Variants in TSC22D1 observed in about 807,000 individuals in gnomAD.
The protein encoded by TSC22D1 is TSC22 domain family protein 1.
Under a neutral mutation model 74.2 loss-of-function variants are expected in TSC22D1, and 9 were observed. The ratio of observed to expected loss-of-function variants is 0.12; its 90% CI spans 0.07 to 0.21. The LOEUF (loss-of-function observed/expected upper bound fraction) is 0.21, where lower values mean the gene tolerates loss of function less well. Ranked by LOEUF, TSC22D1 falls within the 10% of genes least tolerant of loss-of-function variation. The pLI is 1.00. For missense variants in TSC22D1, 1,427 were observed against 1,304.7 expected, an observed-to-expected ratio of 1.09 and a Z score of -1.44; for synonymous variants, 586 against 492.5, an observed-to-expected ratio of 1.19 and a Z score of -2.51.
intron 1 of TSC22D1, among the ~76,000 whole-genome samples, chr13:44,478,558 A>T (rs1878030001): frequency 6.6e-6 from 1 of 151,916 alleles, no homozygotes; most frequent in Non-Finnish European, 1.5e-5. Flanking sequence ...CTGGGGGGGA[A>T]GGGTAAAATA....
intron 1 of TSC22D1, 33 bp downstream of exon 1, chr13:44,573,130 T>A (rs1455406581): frequency 1.3e-6 from 2 of 1,599,662 alleles, no homozygotes; most frequent in Admixed American, 3.4e-5. Flanking sequence ...TTCAAATCTG[T>A]TGAATGTCTC....
intron 1 of TSC22D1, chr13:44,436,506 AT>A: frequency 6.2e-7 from 1 of 1,613,454 alleles, no homozygotes; most frequent in East Asian, 2.2e-5. Context: ...ACATTTACCT[AT>A]TATCAAGTCT....
intron 1 of TSC22D1, among the ~76,000 whole-genome samples, chr13:44,545,985 A>T (rs1042638468): frequency 1.3e-5 from 2 of 151,830 alleles, no homozygotes; most frequent in Non-Finnish European, 2.9e-5. Context: ...TCAAAAAAAA[A>T]AATAAATAAA....
At chr13:44,449,526 C>A (rs920230195) in intron 1 of TSC22D1, among the ~76,000 whole-genome samples, 17 of 152,112 alleles carry the variant, frequency 1.1e-4, no homozygotes, top group African/African-American at 3.9e-4. Context: ...GCTTTAGCGG[C>A]AATCACTTTA....
chr13:44,454,045 T>C (rs1182404384), intron 1 of TSC22D1, among the ~76,000 whole-genome samples: 1 of 152,234 alleles, frequency 6.6e-6, no homozygotes, highest in African/African-American at 2.4e-5. Flanking sequence ...GCCATTAAAA[T>C]GATGTTGGTG....
At chr13:44,550,516 AG>A (rs901902272) in intron 1 of TSC22D1, among the ~76,000 whole-genome samples, 10 of 151,504 alleles carry the variant, frequency 6.6e-5, no homozygotes, top group African/African-American at 2.4e-4. Context: ...TGGGAGACAG[AG>A]GCTGCAGTGA....
rs71070912 is a variant in TSC22D1, at chr13:44,517,857, A to ATTTTTTTTT, written c.2912+55297_2912+55305dup. Among the ~76,000 whole-genome samples, 37 of 16,174 alleles carry ATTTTTTTTT rather than the reference A, an allele frequency of 2.3e-3. 6 individuals carry two copies. Among genetic ancestry groups the ATTTTTTTTT allele is most frequent in the Non-Finnish European group, 3.1e-3 (22 of 7,182 alleles). The allele number at this position is 16,174 out of a possible 152,430, so 10.6% of individuals were successfully genotyped here. A position where few individuals can be genotyped will look rare whatever the true frequency, so the allele number is the denominator to read the frequency against. Reference sequence around the variant, plus strand: ...TATATATATATATATATATATATATATTTTTTTTTTTTTTTTTTTTTTAAC... The same window carrying ATTTTTTTTT: ...TATATATATATATATATATATATATATTTTTTTTTTTTTTTTTTTTTTTTTTTTTTTAAC... On this transcript the variant is annotated intron_variant, in intron 1 of 2. Coordinates refer to ENST00000458659, the MANE Select transcript of TSC22D1 (RefSeq NM_183422.4).
intron 1 of TSC22D1, chr13:44,437,293 G>C (rs1305633454): frequency 1.0e-6 from 1 of 980,212 alleles, no homozygotes; most frequent in African/African-American, 1.8e-5. Flanking sequence ...TCCCACCACT[G>C]TAAGACTTCG....
chr13:44,532,484 T>C (rs577119870), intron 1 of TSC22D1, among the ~76,000 whole-genome samples: 10 of 121,378 alleles, frequency 8.2e-5, no homozygotes, highest in South Asian at 2.4e-4. Flanking sequence ...TACAAAATCT[T>C]TTTTTTTGAG....
intron 1 of TSC22D1, among the ~76,000 whole-genome samples, chr13:44,557,764 T>G (rs777836389): frequency 5.3e-5 from 8 of 152,208 alleles, no homozygotes; most frequent in Non-Finnish European, 8.8e-5. Context: ...GCATTAAGCT[T>G]ATAAAAAATA....
At chr13:44,527,090 G>A (rs1595138431) in intron 1 of TSC22D1, among the ~76,000 whole-genome samples, 1 of 151,994 alleles carries the variant, frequency 6.6e-6, no homozygotes, top group African/African-American at 2.4e-5. Flanking sequence ...TCTGCATACA[G>A]CAAAATTCTT....
chr13:44,496,004 C>A (rs73188778), intron 1 of TSC22D1, among the ~76,000 whole-genome samples: 1,947 of 152,188 alleles, frequency 0.013, 18 homozygotes, highest in South Asian at 0.04. Flanking sequence ...CAAAATTAAA[C>A]CTTTTGTACA....
intron 1 of TSC22D1, among the ~76,000 whole-genome samples, chr13:44,542,578 G>A (rs923275440): frequency 6.6e-5 from 10 of 152,040 alleles, no homozygotes; most frequent in East Asian, 1.9e-4. Flanking sequence ...AAGTCAGAAC[G>A]CTTTCAGAAT....
chr13:44,566,540 C>T (rs1349961517), intron 1 of TSC22D1, among the ~76,000 whole-genome samples: 2 of 152,092 alleles, frequency 1.3e-5, no homozygotes, highest in Admixed American at 1.3e-4. Context: ...CATTAGAGAA[C>T]TAACTTGGAG....
At chr13:44,464,732 G>A (rs1877174710) in intron 1 of TSC22D1, among the ~76,000 whole-genome samples, 1 of 152,182 alleles carries the variant, frequency 6.6e-6, no homozygotes, top group Admixed American at 6.5e-5. Flanking sequence ...CTTTTCATTT[G>A]TATTTAACAA....
intron 1 of TSC22D1, among the ~76,000 whole-genome samples, chr13:44,516,809 T>C (rs1231544729): frequency 6.6e-6 from 1 of 152,218 alleles, no homozygotes; most frequent in Admixed American, 6.5e-5. Context: ...CTCCTATTTC[T>C]GGAAACAGCA....
rs1331559266 is a variant in TSC22D1, at chr13:44,576,147, G to A, written c.-73C>T. The A allele has an allele frequency of 3.5e-6, 5 of 1,423,390 alleles. No homozygotes were observed. Among genetic ancestry groups the A allele is most frequent in the East Asian group, 5.1e-5 (2 of 39,162 alleles). 88.2% of individuals were successfully genotyped at this position (1,423,390 alleles called of 1,614,324 possible). On this transcript the variant is annotated 5_prime_UTR_variant, in exon 1 of 3. Coordinates refer to ENST00000458659, the MANE Select transcript of TSC22D1 (RefSeq NM_183422.4). The stretch of plus-strand genomic sequence containing the variant: ...GCACCGTAATCTTTGTATTGGAGAC[G>A]CCGGAGAGGAAAACGGGACCTGACG...
intron 1 of TSC22D1, among the ~76,000 whole-genome samples, chr13:44,556,224 T>TAA (rs757322742): frequency 8.4e-5 from 12 of 143,172 alleles, no homozygotes; most frequent in African/African-American, 2.5e-4. Flanking sequence ...GTTCTACTGT[T>TAA]AAAAAAAAAA....
chr13:44,566,262 C>T (rs1883367382), intron 1 of TSC22D1, among the ~76,000 whole-genome samples: 2 of 152,022 alleles, frequency 1.3e-5, no homozygotes, highest in South Asian at 4.1e-4. Flanking sequence ...GGAAAAACAG[C>T]CTTGAATCCT....
Sources: allele counts gnomAD v4.1 joint callset (sites outside exome capture counted in the v4.1 genomes callset), GRCh38; gene constraint gnomAD v4.1.1; transcripts MANE v1.5; gene names NCBI Gene and HGNC (gene_info 2026-07-23, HGNC 2026-07-21).